Variants in NOTCH1 observed in about 807,000 individuals in gnomAD.
NOTCH1 encodes the protein notch receptor 1.
NOTCH1 carries 37 observed loss-of-function variants against 254.8 expected under a neutral mutation model. The observed-to-expected ratio is 0.15, with a 90% CI of 0.11 to 0.19. The LOEUF is 0.19. Among genes scored for constraint, NOTCH1 ranks in the 10% least tolerant of loss-of-function variants. The pLI is 1.00. For missense variants in NOTCH1, 2,972 were observed against 3,708.6 expected (o/e 0.80, Z 5.16); for synonymous variants, 1,731 against 1,618.1 (o/e 1.07, Z -1.68).
At position 136,514,615 on chromosome 9, in the gene NOTCH1, G is replaced by A. The variant is rs2133360925; in HGVS notation, c.2102C>T (p.Thr701Ile). Reference protein sequence around the residue: ...GTCEDGINGFTCRCPEGYHDP... With the variant: ...GTCEDGINGFICRCPEGYHDP... ...GTGGTAGCCCTCGGGGCAGCGGCAG[G>A]TGAAGCCATTGATGCCGTCCTCGCA... Residue 701 changes from threonine (T) to isoleucine (I), a missense_variant, in exon 13 of 34, where the codon ACC (threonine) becomes ATC (isoleucine). By Grantham distance (89) the Thr-to-Ile change is moderately conservative. Around this residue, in one of 8 missense-constraint regions of NOTCH1, gnomAD observed 1,343 missense variants for 1,557.0 expected, o/e 0.86. Coordinates refer to ENST00000651671, the MANE Select transcript of NOTCH1 (RefSeq NM_017617.5). The A allele has an allele frequency of 1.2e-6, 2 of 1,610,906 alleles. No individual in the cohort carries two copies. The highest frequency in any genetic ancestry group is 1.7e-6 in the Non-Finnish European group (2 of 1,179,388).
chr9:136,544,507 C>A (rs953773699), intron 1 of NOTCH1, among the ~76,000 whole-genome samples: 3 of 152,154 alleles, frequency 2.0e-5, no homozygotes, highest in Admixed American at 2.0e-4. Flanking sequence ...CCCCATCCAG[C>A]CGCCGAGATT....
chr9:136,498,949 C>A lies in NOTCH1; in HGVS notation c.6130G>T (p.Ala2044Ser), dbSNP rs544856644. The change falls in exon 33 of 34, where the codon GCA becomes TCA. Residue 2044 changes from alanine (A) to serine (S), a missense_variant. By Grantham distance (99) the Ala-to-Ser change is moderately conservative. Around this residue, in one of 8 missense-constraint regions of NOTCH1, gnomAD observed 421 missense variants for 604.4 expected, o/e 0.70. Transcript: ENST00000651671. ...GCCCCGTTCTTCAGGAGCACAACTG[C>A]GGCATCCACATTGTTCACGGCGGCG... is the stretch of plus-strand genomic sequence containing the variant. ...WAAAVNNVDAAVVLLKNGANK... is the reference protein window; with the variant it reads ...WAAAVNNVDASVVLLKNGANK... The A allele has an allele frequency of 6.2e-7, 1 of 1,613,686 alleles. No individual in the cohort carries two copies. Among genetic ancestry groups the A allele is most frequent in the Non-Finnish European group, 8.5e-7 (1 of 1,180,016 alleles).
At chr9:136,528,063 G>C (rs1031820036) in intron 2 of NOTCH1, among the ~76,000 whole-genome samples, 2 of 151,998 alleles carry the variant, frequency 1.3e-5, no homozygotes, top group African/African-American at 4.8e-5. Flanking sequence ...TCTAAGCTAA[G>C]CGGCCATCTG....
intron 27 of NOTCH1, chr9:136,502,758 C>G (rs756776565): frequency 1.8e-6 from 1 of 569,106 alleles, no homozygotes; most frequent in Admixed American, 3.1e-5. Context: ...AACTTCAAAT[C>G]GCTGCACTCG....
rs935135330 is a variant in NOTCH1 at position 136,510,589 on chromosome 9, C to A, written c.2740+64G>T. The A allele has an allele frequency of 4.5e-6, 7 of 1,557,126 alleles. No homozygotes were observed. In the African/African-American group the frequency reaches 8.1e-5, roughly 18 times the overall value. ...TATGGCCAGCACCATGCGCACCAAC[C>A]CTGCCCGGGGGAACTGAGGCCTGAG... On this transcript the variant is annotated intron_variant, in intron 17 of 33. Transcript: ENST00000651671.
rs1316924816 is a variant in NOTCH1 at position 136,506,515 on chromosome 9, C to T, written c.4014+12G>A. 1.3e-6 allele frequency: 2 copies of T among 1,577,538 alleles called. No homozygotes were observed. The highest frequency in any genetic ancestry group is 1.3e-5 in the African/African-American group (1 of 74,458). ...CTGGCGGGCCCCTGCCTCCCTGCAC[C>T]CCTGCACCTACCGCAGGGCACTTGC... On this transcript the variant is annotated intron_variant, in intron 24 of 33. Coordinates refer to ENST00000651671, the MANE Select transcript of NOTCH1 (RefSeq NM_017617.5). This position sits in a 1 kb window ranked among gnomAD's most constrained non-coding sequence, Gnocchi z 4.5.
In NOTCH1 at chr9:136,495,322, A is replaced by G. The variant is rs1842899876; in HGVS notation, c.*749T>C. On this transcript the variant is annotated 3_prime_UTR_variant, in exon 34 of 34. Coordinates refer to ENST00000651671, the MANE Select transcript of NOTCH1 (RefSeq NM_017617.5). Reference sequence around the variant, plus strand: ...CAAGAACTTGTATAACCAACGAACAACTACATAATACTGAACCTGAAACAA... The same window carrying G: ...CAAGAACTTGTATAACCAACGAACAGCTACATAATACTGAACCTGAAACAA... The G allele has an allele frequency of 7.5e-6, 3 of 398,802 alleles. No homozygotes were observed. The highest frequency in any genetic ancestry group is 6.2e-5 in the African/African-American group (3 of 48,634). The allele number at this position is 398,802 out of a possible 1,614,324, so 24.7% of individuals were successfully genotyped here. A position where few individuals can be genotyped will look rare whatever the true frequency, so the allele number is the denominator to read the frequency against.
chr9:136,511,133 G>C lies in NOTCH1; in HGVS notation c.2587+19C>G, dbSNP rs577190264. 826 of 1,612,818 alleles carry C rather than the reference G, an allele frequency of 5.1e-4. 4 individuals are homozygous for C. The highest frequency in any genetic ancestry group is 5.1e-5 in the Non-Finnish European group (60 of 1,179,962). ...CTGACCTCCCATCCCAGCCCTCACC[G>C]GGCCCTGGCCAGCCTCACCTTGCCA... On this transcript the variant is annotated intron_variant, in intron 16 of 33. Transcript: ENST00000651671.
Position 136,495,915 on chromosome 9 carries a change from T to C in NOTCH1, c.*156A>G. 1 of 799,070 alleles carries C rather than the reference T, an allele frequency of 1.3e-6. No individual in the cohort carries two copies. The highest frequency in any genetic ancestry group is 1.9e-6 in the Non-Finnish European group (1 of 526,736). The allele number at this position is 799,070 out of a possible 1,614,324, so 49.5% of individuals were successfully genotyped here. A position where few individuals can be genotyped will look rare whatever the true frequency, so the allele number is the denominator to read the frequency against. ...TGTTTCTGTGTAAAATAAAAGTACA[T>C]AAATAAATACTAAAAAAAATTAAAA... On this transcript the variant is annotated 3_prime_UTR_variant, in exon 34 of 34. Coordinates refer to ENST00000651671, the MANE Select transcript of NOTCH1 (RefSeq NM_017617.5).
intron 19 of NOTCH1, 92 bp downstream of exon 19, chr9:136,508,778 C>G: frequency 7.9e-7 from 1 of 1,264,338 alleles, no homozygotes; most frequent in Non-Finnish European, 1.1e-6. Flanking sequence ...CGAGCCGACA[C>G]AGTGGGACCT....
At chr9:136,525,868 C>T (rs576859338) in intron 2 of NOTCH1, among the ~76,000 whole-genome samples, 1 of 152,252 alleles carries the variant, frequency 6.6e-6, no homozygotes, top group Non-Finnish European at 1.5e-5. Flanking sequence ...GGCTTTTACC[C>T]GTGACCACGG....
At chr9:136,507,919 G>T in intron 21 of NOTCH1, 36 bp downstream of exon 21, 1 of 1,604,854 alleles carries the variant, frequency 6.2e-7, no homozygotes. Context: ...CAACACTCGT[G>T]CCGGCCACAA....
intron 2 of NOTCH1, among the ~76,000 whole-genome samples, chr9:136,535,572 G>A: frequency 1.6e-5 from 1 of 64,012 alleles, no homozygotes; most frequent in South Asian, 8.2e-4. Flanking sequence ...GGTGGGTGGA[G>A]GGGGGAGCAC....
intron 1 of NOTCH1, among the ~76,000 whole-genome samples, chr9:136,544,396 G>C (rs1476700584): frequency 6.6e-6 from 1 of 152,144 alleles, no homozygotes; most frequent in Non-Finnish European, 1.5e-5. Context: ...CTGATGTGCC[G>C]CCTGGACGCA....
chr9:136,518,726 C>T lies in NOTCH1; in HGVS notation c.964G>A (p.Val322Met), dbSNP rs1317299348. 1.9e-6 allele frequency: 3 copies of T among 1,612,936 alleles called. No individual in the cohort carries two copies. Among genetic ancestry groups the T allele is most frequent in the South Asian group, 1.1e-5 (1 of 91,088 alleles). The stretch of plus-strand genomic sequence containing the variant: ...TCACCAGTCCAGCCGTTGACACACA[C>T]GCAGTTGTAGCCACCGTGGGTGTTG... ...CHNTHGGYNC[V>M]CVNGWTGEDC... Residue 322 changes from valine (V) to methionine (M), a missense_variant, in exon 6 of 34, where the codon GTG (valine) becomes ATG (methionine). Transcript: ENST00000651671.
rs907597276 is a variant in NOTCH1, at chr9:136,503,947, G to A, written c.5019-617C>T. Among the ~76,000 whole-genome samples the A allele has an allele frequency of 7.9e-5, 12 of 152,324 alleles. 1 individual carries two copies. The South Asian group carries it at 1.7e-3, about 21-fold the overall frequency. ...TGCCCCAGATCGAGTAGGCATGGGC[G>A]GGAGCCTTGTGGGGTGCCCCCTGCA... On this transcript the variant is annotated intron_variant, in intron 26 of 33. Transcript: ENST00000651671.
intron 30 of NOTCH1, 33 bp downstream of exon 30, chr9:136,501,715 G>A (rs1436015527): frequency 1.9e-6 from 3 of 1,607,338 alleles, no homozygotes; most frequent in Non-Finnish European, 2.5e-6. Context: ...TGGGCCACGG[G>A]GCTAGGGAAG....
At position 136,540,193 on chromosome 9, in the gene NOTCH1, C is replaced by G. The variant is rs1224941676; in HGVS notation, c.140+3831G>C. On this transcript the variant is annotated intron_variant, in intron 2 of 33. Coordinates refer to ENST00000651671, the MANE Select transcript of NOTCH1 (RefSeq NM_017617.5). This position sits in a 1 kb window ranked among gnomAD's most constrained non-coding sequence, Gnocchi z 4.4. The stretch of plus-strand genomic sequence containing the variant: ...ACCCCCAACATGTCCCACATGTGAG[C>G]TAGGTGCCTCTCTCACGCCTTGCTG... Among the ~76,000 whole-genome samples, 1 of 152,244 alleles carries G rather than the reference C, an allele frequency of 6.6e-6. No homozygotes were observed. The highest frequency in any genetic ancestry group is 1.5e-5 in the Non-Finnish European group (1 of 68,040).
At chr9:136,510,225 C>A (rs571432050) in intron 17 of NOTCH1, among the ~76,000 whole-genome samples, 1 of 152,352 alleles carries the variant, frequency 6.6e-6, no homozygotes, top group South Asian at 2.1e-4. Flanking sequence ...GCTTCACAGA[C>A]CGAGCAGGGG....
Sources: allele counts gnomAD v4.1 joint callset (sites outside exome capture counted in the v4.1 genomes callset), GRCh38; gene constraint gnomAD v4.1.1; regional missense constraint gnomAD v4.1.1; non-coding constraint Gnocchi (gnomAD v3.1); transcripts MANE v1.5; gene names NCBI Gene and HGNC (gene_info 2026-07-23, HGNC 2026-07-21).